The following KCNQ1OT1 variants were observed in gnomAD, a reference collection of about 807,000 sequenced individuals.
The protein encoded by KCNQ1OT1 is KCNQ1 antisense RNA 2 (non-protein coding).
chr11:2,672,190 C>A (rs1850195683), exon 1 of KCNQ1OT1: 2 of 398,534 alleles, frequency 5.0e-6, no homozygotes, highest in Non-Finnish European at 8.8e-6. Flanking sequence ...AGGTTCATGT[C>A]CTGATTTGTT....
chr11:2,684,251 G>A (rs1034663794), exon 1 of KCNQ1OT1: 1 of 398,622 alleles, frequency 2.5e-6, no homozygotes, highest in Non-Finnish European at 4.4e-6. Context: ...TACCTTCTGG[G>A]ATTGGATTAA....
exon 1 of KCNQ1OT1, chr11:2,637,559 T>C (rs564922812): frequency 2.6e-5 from 4 of 152,380 alleles, no homozygotes; most frequent in Non-Finnish European, 4.4e-5. Flanking sequence ...CAGTTTGTTA[T>C]AGTTTCTGTT....
At chr11:2,625,526 A>G (rs1013186211) in exon 1 of KCNQ1OT1, 2 of 396,190 alleles carry the variant, frequency 5.0e-6, no homozygotes, top group African/African-American at 2.1e-5. Flanking sequence ...TTCACGTACT[A>G]TTATCCATTT....
rs1191799350 is a variant in KCNQ1OT1 at position 2,647,099 on chromosome 11, G to C, written n.52896C>G. The C allele has an allele frequency of 2.5e-6, 1 of 398,410 alleles. No individual in the cohort carries two copies. 24.7% of individuals were successfully genotyped at this position (398,410 alleles called of 1,614,324 possible). ...GAGAAGGTGTTTAGCTTTTCCCCAG[G>C]TGGCTGTGGGTTTGTCATATATGAC... On this transcript the variant is annotated non_coding_transcript_exon_variant, in exon 1 of 1. Coordinates refer to ENST00000597346, the Ensembl canonical transcript of KCNQ1OT1. This position sits in a 1 kb window ranked among gnomAD's most constrained non-coding sequence, Gnocchi z 4.0.
Position 2,682,631 on chromosome 11 carries a change from A to T in KCNQ1OT1, n.17364T>A, listed in dbSNP as rs1233926515. The T allele has an allele frequency of 5.0e-6, 2 of 398,484 alleles. No individual in the cohort carries two copies. The highest frequency in any genetic ancestry group is 8.8e-6 in the Non-Finnish European group (2 of 226,082). The allele number at this position is 398,484 out of a possible 1,614,324, so 24.7% of individuals were successfully genotyped here. A position where few individuals can be genotyped will look rare whatever the true frequency, so the allele number is the denominator to read the frequency against. ...GGCTTGAGAGCTCTTCTTCAGGCTC[A>T]GTCATCCCTGCTTCCCCAGGGCTCA... is the stretch of plus-strand genomic sequence containing the variant. On this transcript the variant is annotated non_coding_transcript_exon_variant, in exon 1 of 1. Transcript: ENST00000597346. The surrounding 1 kb of genome is among the most constrained non-coding windows in gnomAD (Gnocchi z 5.8).
chr11:2,640,473 A>T (rs1248153624), exon 1 of KCNQ1OT1: 1 of 398,248 alleles, frequency 2.5e-6, no homozygotes, highest in Non-Finnish European at 4.4e-6. Flanking sequence ...TTTTGTAGAG[A>T]CAGGGTCGTG....
chr11:2,667,817 G>A, exon 1 of KCNQ1OT1: 2 of 398,672 alleles, frequency 5.0e-6, no homozygotes, highest in Non-Finnish European at 8.8e-6. Context: ...CCTGGTATAG[G>A]GTGGTGGTGT....
At chr11:2,675,476 C>T (rs926501039) in exon 1 of KCNQ1OT1, 22 of 398,508 alleles carry the variant, frequency 5.5e-5, no homozygotes, top group African/African-American at 3.5e-4. Context: ...TACATAAAAA[C>T]GTAAATATTT....
Position 2,691,927 on chromosome 11 carries a change from T to A in KCNQ1OT1, n.8068A>T. On this transcript the variant is annotated non_coding_transcript_exon_variant, in exon 1 of 1. Coordinates refer to ENST00000597346, the Ensembl canonical transcript of KCNQ1OT1. The surrounding 1 kb of genome is among the most constrained non-coding windows in gnomAD (Gnocchi z 6.4). ...TCTATCCTCAGTCTCCTTGGCAGGT[T>A]TTCCCTTCTGGCATGGCCACTAAAT... is the stretch of plus-strand genomic sequence containing the variant. The A allele has an allele frequency of 2.5e-6, 1 of 398,710 alleles. No individual in the cohort carries two copies. Among genetic ancestry groups the A allele is most frequent in the East Asian group, 3.6e-5 (1 of 28,064 alleles). 24.7% of individuals were successfully genotyped at this position (398,710 alleles called of 1,614,324 possible). A position where few individuals can be genotyped will look rare whatever the true frequency, so the allele number is the denominator to read the frequency against.
At chr11:2,614,927 TAAA>T in exon 1 of KCNQ1OT1, 1 of 398,460 alleles carries the variant, frequency 2.5e-6, no homozygotes, top group Non-Finnish European at 4.4e-6. Flanking sequence ...TTTCTGCAAA[TAAA>T]AAGGCCCTTG....
exon 1 of KCNQ1OT1, chr11:2,646,400 C>A: frequency 2.5e-6 from 1 of 398,542 alleles, no homozygotes; most frequent in Non-Finnish European, 4.4e-6. Context: ...TTATAGTTTT[C>A]ATTGTGGAAA....
Position 2,691,255 on chromosome 11 carries a change from A to C in KCNQ1OT1, n.8740T>G, listed in dbSNP as rs1459688829. ...TGCAGTTAACCCCTTGAGTCTCGGA[A>C]GGCTGTTTGAGCCACTAATCAGGAA... On this transcript the variant is annotated non_coding_transcript_exon_variant, in exon 1 of 1. Transcript: ENST00000597346. This position sits in a 1 kb window ranked among gnomAD's most constrained non-coding sequence, Gnocchi z 6.4. 7.5e-6 allele frequency: 3 copies of C among 398,508 alleles called. No homozygotes were observed. Among genetic ancestry groups the C allele is most frequent in the Non-Finnish European group, 1.3e-5 (3 of 226,108 alleles). 24.7% of individuals were successfully genotyped at this position (398,508 alleles called of 1,614,324 possible).
Position 2,652,884 on chromosome 11 carries a change from G to A in KCNQ1OT1, n.47111C>T. On this transcript the variant is annotated non_coding_transcript_exon_variant, in exon 1 of 1. Transcript: ENST00000597346. The surrounding 1 kb of genome is among the most constrained non-coding windows in gnomAD (Gnocchi z 5.9). ...CTTATTCTAAGGAGAAGTGTTTGGG[G>A]TGTGGGGTGTGGTCCTCAGTATCCT... 1 of 398,702 alleles carries A rather than the reference G, an allele frequency of 2.5e-6. No homozygotes were observed. The highest frequency in any genetic ancestry group is 4.4e-6 in the Non-Finnish European group (1 of 226,124). The allele number at this position is 398,702 out of a possible 1,614,324, so 24.7% of individuals were successfully genotyped here. A position where few individuals can be genotyped will look rare whatever the true frequency, so the allele number is the denominator to read the frequency against.
exon 1 of KCNQ1OT1, chr11:2,625,918 G>A (rs1849254439): frequency 7.5e-6 from 3 of 398,418 alleles, no homozygotes; most frequent in African/African-American, 4.1e-5. Flanking sequence ...ACTTTTAGAA[G>A]TTCTCTGTAT....
rs34219164 is a variant in KCNQ1OT1, at chr11:2,674,832, TAAAAAAAAAAAAAAA to T, written n.25148_25162del. On this transcript the variant is annotated non_coding_transcript_exon_variant, in exon 1 of 1. Transcript: ENST00000597346. This position sits in a 1 kb window ranked among gnomAD's most constrained non-coding sequence, Gnocchi z 5.9. ...GCTTGTCACCCTAATAGCTGTTTTTTAAAAAAAAAAAAAAAAAAAAAAAAAAAAGCTCACTGGGCA... is the reference window on the plus strand; with the variant it reads ...GCTTGTCACCCTAATAGCTGTTTTTTAAAAAAAAAAAAAGCTCACTGGGCA... 8 of 303,866 alleles carry T rather than the reference TAAAAAAAAAAAAAAA, an allele frequency of 2.6e-5. No individual in the cohort carries two copies. The highest frequency in any genetic ancestry group is 7.7e-4 in the Middle Eastern group (1 of 1,294). The allele number at this position is 303,866 out of a possible 1,614,324, so 18.8% of individuals were successfully genotyped here. A position where few individuals can be genotyped will look rare whatever the true frequency, so the allele number is the denominator to read the frequency against.
chr11:2,644,225 G>T (rs1487599999), exon 1 of KCNQ1OT1: 5 of 398,168 alleles, frequency 1.3e-5, no homozygotes, highest in African/African-American at 1.0e-4. Context: ...GGACACTGAA[G>T]GTGTCACCTT....
exon 1 of KCNQ1OT1, chr11:2,622,700 G>T (rs1301660196): frequency 5.0e-6 from 2 of 398,406 alleles, no homozygotes; most frequent in Non-Finnish European, 8.8e-6. Context: ...GTCTGTATGT[G>T]TGTATGTGTA....
exon 1 of KCNQ1OT1, chr11:2,615,952 T>G (rs1849055648): frequency 2.5e-6 from 1 of 398,136 alleles, no homozygotes; most frequent in African/African-American, 2.1e-5. Flanking sequence ...ATTCTTCAAG[T>G]GTTTGGTATA....
At chr11:2,632,730 A>G (rs1849381327) in exon 1 of KCNQ1OT1, 1 of 398,268 alleles carries the variant, frequency 2.5e-6, no homozygotes, top group African/African-American at 2.1e-5. Context: ...AAGTTCATCC[A>G]TGTTGCTGTG....
Sources: allele counts gnomAD v4.1 joint callset, GRCh38; gene constraint gnomAD v4.1.1; non-coding constraint Gnocchi (gnomAD v3.1); transcripts MANE v1.5; gene names NCBI Gene and HGNC (gene_info 2026-07-23, HGNC 2026-07-21).